Variants in ZFPM1 observed in about 807,000 individuals in gnomAD.
ZFPM1 encodes zinc finger protein, FOG family member 1.
Under a neutral mutation model 46.3 loss-of-function variants are expected in ZFPM1, and 28 were observed. The ratio of observed to expected loss-of-function variants is 0.60; its 90% CI spans 0.45 to 0.83. The LOEUF is 0.83. ZFPM1 is among the 40% of genes least tolerant of loss of function. The probability of loss-of-function intolerance (pLI) is 0.00; values close to 1 mark genes in which losing one functional copy is unlikely to be tolerated. For synonymous variants in ZFPM1, 957 were observed against 675.9 expected (o/e 1.42, Z -6.45); for missense variants, 1,878 against 1,432.4 (o/e 1.31, Z -5.02).
At chr16:88,512,905 T>C (rs1911053972) in intron 3 of ZFPM1, 1 of 152,200 alleles carries the variant, frequency 6.6e-6, no homozygotes. Context: ...GGCCTCTGGG[T>C]TTGGACCCCG....
rs1012272585 is a variant in ZFPM1 at position 88,536,813 on chromosome 16, G to C, written c.*1834G>C. 6.6e-6 allele frequency: 1 copy of C among 151,308 alleles called. No individual in the cohort carries two copies. The highest frequency in any genetic ancestry group is 1.5e-5 in the Non-Finnish European group (1 of 68,032). The allele number at this position is 151,308 out of a possible 1,614,324, so 9.4% of individuals were successfully genotyped here. On this transcript the variant is annotated 3_prime_UTR_variant, in exon 10 of 10. Coordinates refer to ENST00000319555, the MANE Select transcript of ZFPM1 (RefSeq NM_153813.3). ...AGACACCCCTTCTGTTGAAGACCAG[G>C]TGATAGCGGGGACGGGAGGCACGGA...
At chr16:88,455,557 C>G (rs1466649629) in intron 1 of ZFPM1, among the ~76,000 whole-genome samples, 1 of 150,372 alleles carries the variant, frequency 6.7e-6, no homozygotes, top group African/African-American at 2.4e-5. Flanking sequence ...TGCCTGCCCG[C>G]TGCCCTGGCC....
chr16:88,520,547 AGGATGGATGGATGGAT>A (rs369543826), intron 4 of ZFPM1, among the ~76,000 whole-genome samples: 6 of 107,932 alleles, frequency 5.6e-5, no homozygotes, highest in South Asian at 7.2e-4. Context: ...GGTGGCTGAA[AGGATGGATGGATGGAT>A]GGATGGATGG....
chr16:88,526,891 G>C lies in ZFPM1; in HGVS notation c.480G>C (p.Glu160Asp). 6.3e-7 allele frequency: 1 copy of C among 1,579,154 alleles called. No homozygotes were observed. The highest frequency in any genetic ancestry group is 8.6e-7 in the Non-Finnish European group (1 of 1,162,584). The part of the protein sequence containing the change: ...RTLPQALTEA[E>D]ANTEIHRKDD... ...TGCCCCAGGCCCTGACTGAGGCCGAGGCCAACACAGAGATCCACAGGAAGG... is the reference window on the plus strand; with the variant it reads ...TGCCCCAGGCCCTGACTGAGGCCGACGCCAACACAGAGATCCACAGGAAGG... The change falls in exon 5 of 10, where the codon GAG (glutamate) becomes GAC (aspartate). Residue 160 changes from glutamate to aspartate, a missense_variant. By Grantham distance (45) the Glu-to-Asp change is conservative. Coordinates refer to ENST00000319555, the MANE Select transcript of ZFPM1 (RefSeq NM_153813.3).
intron 1 of ZFPM1, among the ~76,000 whole-genome samples, chr16:88,455,964 T>A (rs1448978262): frequency 6.6e-6 from 1 of 152,092 alleles, no homozygotes; most frequent in Non-Finnish European, 1.5e-5. Flanking sequence ...GTCGGCCCGA[T>A]GGCGATCGCC....
intron 1 of ZFPM1, 23 bp from the exon 2 acceptor site, chr16:88,485,916 C>T (rs761112809): frequency 1.9e-6 from 3 of 1,610,398 alleles, no homozygotes; most frequent in Admixed American, 1.7e-5. Flanking sequence ...TCCTCCCGAA[C>T]CCCCATCGTC....
intron 6 of ZFPM1, among the ~76,000 whole-genome samples, chr16:88,531,504 T>C (rs1393575571): frequency 2.0e-5 from 3 of 152,164 alleles, no homozygotes; most frequent in Non-Finnish European, 4.4e-5. Context: ...CCCACATCCC[T>C]AGAACTGCAG....
chr16:88,466,637 GTTCAT>G (rs958964194), intron 1 of ZFPM1, among the ~76,000 whole-genome samples: 2 of 152,212 alleles, frequency 1.3e-5, no homozygotes, highest in African/African-American at 2.4e-5. Context: ...TGTTTCTTGG[GTTCAT>G]TTCATCTGTC....
chr16:88,493,754 C>T (rs1323654671), intron 3 of ZFPM1, among the ~76,000 whole-genome samples: 4 of 152,216 alleles, frequency 2.6e-5, no homozygotes, highest in African/African-American at 9.6e-5. Context: ...ACTGCCCCCA[C>T]CCCAGCCCCT....
chr16:88,488,277 G>A (rs1909350108), intron 2 of ZFPM1, among the ~76,000 whole-genome samples: 1 of 152,046 alleles, frequency 6.6e-6, no homozygotes, highest in South Asian at 2.1e-4. Flanking sequence ...TGATCTAGGA[G>A]CCAGGGCCGC....
chr16:88,535,054 G>C lies in ZFPM1; in HGVS notation c.*75G>C. On this transcript the variant is annotated 3_prime_UTR_variant, in exon 10 of 10. Transcript: ENST00000319555. ...GGAGGGGGCCGCCCCCAGGCCGCAC[G>C]GACTGCCGCTCCTGGGAACCCCGCC... is the stretch of plus-strand genomic sequence containing the variant. 7.5e-7 allele frequency: 1 copy of C among 1,340,666 alleles called. No homozygotes were observed. The highest frequency in any genetic ancestry group is 9.6e-7 in the Non-Finnish European group (1 of 1,039,902). The allele number at this position is 1,340,666 out of a possible 1,614,324, so 83.0% of individuals were successfully genotyped here.
intron 4 of ZFPM1, among the ~76,000 whole-genome samples, chr16:88,526,397 C>T (rs1056474474): frequency 3.3e-5 from 5 of 152,192 alleles, no homozygotes; most frequent in African/African-American, 9.7e-5. Context: ...CCTGTGGGAA[C>T]AGCGGTTTCA....
rs866281947 is a variant in ZFPM1, at chr16:88,480,915, A to G, written c.41-5024A>G. Among the ~76,000 whole-genome samples the G allele has an allele frequency of 2.6e-4, 40 of 152,318 alleles. No homozygotes were observed. Among genetic ancestry groups the G allele is most frequent in the African/African-American group, 8.7e-4 (36 of 41,574 alleles). On this transcript the variant is annotated intron_variant, in intron 1 of 9. Transcript: ENST00000319555. This position sits in a 1 kb window ranked among gnomAD's most constrained non-coding sequence, Gnocchi z 4.9. ...CTCGCCATCAAAGCCGGGAGGGGCC[A>G]CCTTAATCGTCGGTGTGGGGACTTG...
At chr16:88,525,078 C>T (rs1273026127) in intron 4 of ZFPM1, among the ~76,000 whole-genome samples, 1 of 152,274 alleles carries the variant, frequency 6.6e-6, no homozygotes, top group African/African-American at 2.4e-5. Context: ...CTGAACGTCC[C>T]AGCCCAAAGG....
chr16:88,455,969 A>G (rs1907540888), intron 1 of ZFPM1, among the ~76,000 whole-genome samples: 1 of 152,168 alleles, frequency 6.6e-6, no homozygotes, highest in Non-Finnish European at 1.5e-5. Flanking sequence ...CCCGATGGCG[A>G]TCGCCAAGAG....
At chr16:88,495,810 G>A (rs1042224268) in intron 3 of ZFPM1, among the ~76,000 whole-genome samples, 1 of 152,218 alleles carries the variant, frequency 6.6e-6, no homozygotes, top group Non-Finnish European at 1.5e-5. Context: ...CCTTCACCAG[G>A]AGGCGTCTCG....
intron 3 of ZFPM1, among the ~76,000 whole-genome samples, chr16:88,491,932 G>T (rs1909603043): frequency 6.6e-6 from 1 of 152,212 alleles, no homozygotes; most frequent in Non-Finnish European, 1.5e-5. Flanking sequence ...ATGGCCAGCA[G>T]GGTCAGTGGC....
chr16:88,475,515 G>GT (rs983302631), intron 1 of ZFPM1, among the ~76,000 whole-genome samples: 11 of 151,794 alleles, frequency 7.2e-5, no homozygotes, highest in East Asian at 3.9e-4. Flanking sequence ...CAGGGGTCCG[G>GT]GGGGGGGAGC....
At chr16:88,498,202 G>A (rs1026002671) in intron 3 of ZFPM1, among the ~76,000 whole-genome samples, 5 of 152,144 alleles carry the variant, frequency 3.3e-5, no homozygotes, top group South Asian at 4.1e-4. Context: ...GGTCCCCAGA[G>A]GGAGCCTCAG....
Sources: gnomAD v4.1 joint callset for allele counts (sites outside exome capture counted in the v4.1 genomes callset) on GRCh38, gnomAD v4.1.1 for gene constraint, Gnocchi (gnomAD v3.1) non-coding constraint, MANE v1.5 for transcripts, NCBI Gene and HGNC (gene_info 2026-07-23, HGNC 2026-07-21) for gene names.